Variants in RPL5 observed in about 807,000 individuals in gnomAD.
RPL5 encodes the protein ribosomal protein L5.
In RPL5, 1 loss-of-function variant was observed where a neutral mutation model predicts 38.4. The ratio of observed to expected loss-of-function variants is 0.03; its 90% CI spans 0.01 to 0.12. RPL5 has a LOEUF of 0.12. Ranked by LOEUF, RPL5 falls within the 10% of genes least tolerant of loss-of-function variation. The pLI is 1.00. For synonymous variants in RPL5, 109 were observed against 121.2 expected, an observed-to-expected ratio of 0.90 and a Z score of 0.66; for missense variants, 243 against 374.1, an observed-to-expected ratio of 0.65 and a Z score of 2.89.
At chr1:92,832,856 A>G (rs1306292926) in intron 1 of RPL5, 1 of 612,942 alleles carries the variant, frequency 1.6e-6, no homozygotes, top group Non-Finnish European at 2.9e-6. Flanking sequence ...GCTTTGTGGC[A>G]GGTAATTTAG....
At chr1:92,836,484 C>T (rs2100685523) in intron 5 of RPL5, 92 bp downstream of exon 5, 1 of 1,192,680 alleles carries the variant, frequency 8.4e-7, no homozygotes, top group South Asian at 1.2e-5. Flanking sequence ...ATTAAAGTAG[C>T]TATCAATTGA....
intron 3 of RPL5, 136 bp downstream of exon 3, chr1:92,833,796 T>G (rs771912121): frequency 7.4e-5 from 53 of 719,686 alleles, no homozygotes; most frequent in Non-Finnish European, 1.1e-4. Context: ...TTCCTTTTAG[T>G]AGGTCTAGAA....
At chr1:92,838,804 G>C (rs558274179) in intron 6 of RPL5, among the ~76,000 whole-genome samples, 19 of 152,338 alleles carry the variant, frequency 1.2e-4, no homozygotes, top group Admixed American at 1.2e-3. Flanking sequence ...TGAACAGCTA[G>C]CTATAATAGA....
At chr1:92,834,700 T>G (rs1687047163) in intron 3 of RPL5, 79 bp from the exon 4 acceptor site, 1 of 1,579,492 alleles carries the variant, frequency 6.3e-7, no homozygotes, top group Admixed American at 1.7e-5. Context: ...AATGTTTTTT[T>G]ATTCCCTTGA....
At position 92,833,026 on chromosome 1, in the gene RPL5, G is replaced by GT. The variant is rs1558283531; in HGVS notation, c.4-362dup. The GT allele has an allele frequency of 4.0e-6, 3 of 741,738 alleles. No individual in the cohort carries two copies. In the Admixed American group the frequency reaches 5.4e-5, roughly 13 times the overall value. The allele number at this position is 741,738 out of a possible 1,614,324, so 45.9% of individuals were successfully genotyped here. ...TCGCAAAAGTTTGGCACAATTACCG[G>GT]TGCTGGTCCTTGAAGAAACAAATAT... On this transcript the variant is annotated intron_variant, in intron 1 of 7. Transcript: ENST00000370321.
At chr1:92,832,157 A>G (rs770926296) in intron 1 of RPL5, 40 bp downstream of exon 1, 1 of 1,613,460 alleles carries the variant, frequency 6.2e-7, no homozygotes, top group Non-Finnish European at 8.5e-7. Flanking sequence ...AGATGCATGG[A>G]GGTTCCCTTT....
intron 1 of RPL5, 158 bp downstream of exon 1, chr1:92,832,275 A>T: frequency 1.7e-6 from 2 of 1,193,976 alleles, no homozygotes; most frequent in Non-Finnish European, 2.4e-6. Context: ...CGTGGCCTTA[A>T]ATGGCTGCCG....
chr1:92,833,385 T>C lies in RPL5; in HGVS notation c.4-4T>C, dbSNP rs746944177. Reference sequence around the variant, plus strand: ...AGTTTTAATAACATTCTTTTTTCTTTAAGGGGTTTGTTAAAGTTGTTAAGA... The same window carrying C: ...AGTTTTAATAACATTCTTTTTTCTTCAAGGGGTTTGTTAAAGTTGTTAAGA... On this transcript the variant is annotated splice_polypyrimidine_tract_variant and splice_region_variant and intron_variant, in intron 1 of 7. Coordinates refer to ENST00000370321, the MANE Select transcript of RPL5 (RefSeq NM_000969.5). The C allele has an allele frequency of 3.1e-6, 5 of 1,607,590 alleles. No individual in the cohort carries two copies. Among genetic ancestry groups the C allele is most frequent in the Admixed American group, 1.7e-5 (1 of 60,012 alleles).
At position 92,840,643 on chromosome 1, in the gene RPL5, T is replaced by G. The variant is rs1464454410; in HGVS notation, c.794+4T>G. On this transcript the variant is annotated splice_donor_region_variant and intron_variant, in intron 7 of 7. Transcript: ENST00000370321. ...AGAAAGAAGTTAAAAAGAAGAGGTA[T>G]GTCGTCTTTTTTTTTGTCTTTTCAA... 1 of 1,602,858 alleles carries G rather than the reference T, an allele frequency of 6.2e-7. No individual in the cohort carries two copies. Among genetic ancestry groups the G allele is most frequent in the Non-Finnish European group, 8.5e-7 (1 of 1,176,606 alleles).
chr1:92,837,602 A>G lies in RPL5; in HGVS notation c.674A>G (p.Gln225Arg), dbSNP rs1687179289. The G allele has an allele frequency of 6.2e-7, 1 of 1,611,988 alleles. No individual in the cohort carries two copies. Among genetic ancestry groups the G allele is most frequent in the South Asian group, 1.1e-5 (1 of 90,998 alleles). The change falls in exon 6 of 8, where the codon CAA becomes CGA. Residue 225 changes from glutamine (Q) to arginine (R), a missense_variant. Physicochemically the swap from Gln to Arg is conservative, Grantham distance 43. Coordinates refer to ENST00000370321, the MANE Select transcript of RPL5 (RefSeq NM_000969.5). ...DEDAYKKQFSQYIKNSVTPDM... is the reference protein window; with the variant it reads ...DEDAYKKQFSRYIKNSVTPDM... ...GATGCTTACAAGAAACAGTTCTCTCAATACATAAAGAACAGCGTAACTCCA... is the reference window on the plus strand; with the variant it reads ...GATGCTTACAAGAAACAGTTCTCTCGATACATAAAGAACAGCGTAACTCCA...
chr1:92,841,714 T>C (rs1266230861), intron 7 of RPL5, 52 bp from the exon 8 acceptor site: 15 of 1,154,798 alleles, frequency 1.3e-5, no homozygotes, highest in Admixed American at 2.0e-5. Flanking sequence ...AAATTAAATA[T>C]TCTATTCTCT....
chr1:92,834,664 T>A, intron 3 of RPL5, 115 bp from the exon 4 acceptor site: 1 of 1,405,480 alleles, frequency 7.1e-7, no homozygotes. Flanking sequence ...CTTAAGCATT[T>A]TAAGTGATGT....
In RPL5 at chr1:92,839,593, C is replaced by T. The variant is rs139891722; in HGVS notation, c.706-958C>T. On this transcript the variant is annotated intron_variant, in intron 6 of 7. Transcript: ENST00000370321. ...GATTGTGGGATGACAGATGAATTTG[C>T]TTGTTGGCCTGTGTCCAGTCCTTGG... is the stretch of plus-strand genomic sequence containing the variant. Among the ~76,000 whole-genome samples the T allele has an allele frequency of 2.6e-5, 4 of 152,268 alleles. No individual in the cohort carries two copies. In the East Asian group the frequency reaches 7.7e-4, roughly 29 times the overall value.
At chr1:92,832,392 C>T (rs1260660973) in intron 1 of RPL5, 2 of 598,550 alleles carry the variant, frequency 3.3e-6, no homozygotes, top group African/African-American at 1.8e-5. Context: ...AGTGCGGATA[C>T]TGCCGTCTAG....
rs752282235 is a variant in RPL5 at position 92,832,041 on chromosome 1, C to A, written c.-74C>A. Reference sequence around the variant, plus strand: ...CTGCGCCTGCGCAAGGGCTGTGGCCCTTTTCCCACCCCCTAGCGCCGCTGG... The same window carrying A: ...CTGCGCCTGCGCAAGGGCTGTGGCCATTTTCCCACCCCCTAGCGCCGCTGG... On this transcript the variant is annotated 5_prime_UTR_variant, in exon 1 of 8. Coordinates refer to ENST00000370321, the MANE Select transcript of RPL5 (RefSeq NM_000969.5). 220 of 1,606,048 alleles carry A rather than the reference C, an allele frequency of 1.4e-4. No individual in the cohort carries two copies. Among genetic ancestry groups the A allele is most frequent in the Non-Finnish European group, 1.8e-4 (206 of 1,176,688 alleles).
chr1:92,841,416 T>C (rs1288054087), intron 7 of RPL5, among the ~76,000 whole-genome samples: 2 of 152,254 alleles, frequency 1.3e-5, no homozygotes, highest in Non-Finnish European at 2.9e-5. Flanking sequence ...TTTATCCATT[T>C]ATCTGTTGCT....
At position 92,841,906 on chromosome 1, in the gene RPL5, A is replaced by AACTT. The variant is rs1687381820; in HGVS notation, c.*43_*46dup. On this transcript the variant is annotated 3_prime_UTR_variant, in exon 8 of 8. Coordinates refer to ENST00000370321, the MANE Select transcript of RPL5 (RefSeq NM_000969.5). ...ATGATTTTTTCAGATATAGATAATA[A>AACTT]ACTTATGAACAGCAACTATTTCTGT... 3 of 1,405,322 alleles carry AACTT rather than the reference A, an allele frequency of 2.1e-6. No homozygotes were observed. The highest frequency in any genetic ancestry group is 2.3e-5 in the South Asian group (2 of 85,162). The allele number at this position is 1,405,322 out of a possible 1,614,324, so 87.1% of individuals were successfully genotyped here.
At chr1:92,840,871 T>C (rs765353682) in intron 7 of RPL5, 2 of 633,472 alleles carry the variant, frequency 3.2e-6, no homozygotes, top group Non-Finnish European at 5.9e-6. Context: ...GTTACTGCAT[T>C]TTTTTATTGG....
intron 5 of RPL5, 86 bp from the exon 6 acceptor site, chr1:92,837,370 G>A: frequency 8.8e-7 from 1 of 1,137,334 alleles, no homozygotes; most frequent in Non-Finnish European, 1.3e-6. Context: ...TTTCAAGACG[G>A]GACTGATGGC....
Sources: allele counts gnomAD v4.1 joint callset (sites outside exome capture counted in the v4.1 genomes callset), GRCh38; gene constraint gnomAD v4.1.1; transcripts MANE v1.5; gene names NCBI Gene and HGNC (gene_info 2026-07-23, HGNC 2026-07-21).